RYR3: variants seen among roughly 807,000 people sequenced by gnomAD.
RYR3 encodes the protein brain ryanodine receptor-calcium release channel.
In RYR3, 207 loss-of-function variants were observed where a neutral mutation model predicts 584.3. The observed-to-expected ratio is 0.35, with a 90% CI of 0.32 to 0.40. The LOEUF (loss-of-function observed/expected upper bound fraction) is 0.40, where lower values mean the gene tolerates loss of function less well. RYR3 is among the 10% of genes least tolerant of loss of function. The pLI, the probability that RYR3 is intolerant of heterozygous loss-of-function variation, is 1.00. For synonymous variants in RYR3, 2,416 were observed against 2,248.5 expected, an observed-to-expected ratio of 1.07 and a Z score of -2.11; for missense variants, 5,616 against 6,089.2, an observed-to-expected ratio of 0.92 and a Z score of 2.59.
chr15:33,404,757 C>T (rs1447979756), intron 1 of RYR3, among the ~76,000 whole-genome samples: 3 of 152,084 alleles, frequency 2.0e-5, no homozygotes, highest in Non-Finnish European at 4.4e-5. Context: ...AATGATTTAA[C>T]TTGTTTTTGA....
chr15:33,597,920 C>G (rs1168922319), intron 16 of RYR3, among the ~76,000 whole-genome samples: 1 of 147,704 alleles, frequency 6.8e-6, no homozygotes, highest in Non-Finnish European at 1.5e-5. Flanking sequence ...TTTTTTTTTT[C>G]TGTCTTAGAC....
intron 38 of RYR3, among the ~76,000 whole-genome samples, chr15:33,677,165 A>T (rs1480286400): frequency 6.6e-6 from 1 of 152,006 alleles, no homozygotes; most frequent in Non-Finnish European, 1.5e-5. Context: ...TGCATTCCGT[A>T]TCCCGGACCC....
chr15:33,531,446 CACTT>C (rs1455876529), intron 4 of RYR3, among the ~76,000 whole-genome samples: 1 of 151,998 alleles, frequency 6.6e-6, no homozygotes, highest in Non-Finnish European at 1.5e-5. Context: ...GTATCATCCT[CACTT>C]TCTTTCGGTG....
chr15:33,700,572 C>G (rs1319734007), intron 41 of RYR3, among the ~76,000 whole-genome samples: 2 of 152,058 alleles, frequency 1.3e-5, no homozygotes, highest in Non-Finnish European at 2.9e-5. Context: ...CATTGGTGAC[C>G]TGGTGAAACT....
At chr15:33,354,774 T>C (rs1164502242) in intron 1 of RYR3, among the ~76,000 whole-genome samples, 1 of 152,202 alleles carries the variant, frequency 6.6e-6, no homozygotes, top group Non-Finnish European at 1.5e-5. Flanking sequence ...ATGCTCAATT[T>C]CCTTAGCAAT....
intron 1 of RYR3, among the ~76,000 whole-genome samples, chr15:33,461,531 G>A (rs901844794): frequency 4.5e-4 from 69 of 152,176 alleles, no homozygotes; most frequent in African/African-American, 1.6e-3. Context: ...CTTTCAACAT[G>A]TTTTCCATAT....
chr15:33,780,615 T>A (rs1404167512), intron 65 of RYR3, among the ~76,000 whole-genome samples: 1 of 152,160 alleles, frequency 6.6e-6, no homozygotes, highest in Admixed American at 6.5e-5. Flanking sequence ...GACCTCAGGG[T>A]CTCTTGTCTG....
intron 3 of RYR3, among the ~76,000 whole-genome samples, chr15:33,509,537 G>GTT (rs959306395): frequency 1.3e-5 from 2 of 152,182 alleles, no homozygotes; most frequent in Admixed American, 6.5e-5. Context: ...ATTTTTACAT[G>GTT]TTTTAATATT....
chr15:33,530,485 C>A (rs2054773828), intron 3 of RYR3, 107 bp from the exon 4 acceptor site: 1 of 760,064 alleles, frequency 1.3e-6, no homozygotes, highest in South Asian at 1.6e-5. Context: ...AGGAGCTTTG[C>A]AATGGGTCTT....
In RYR3 at chr15:33,662,743, T is replaced by G. The variant is rs1305698703; in HGVS notation, c.5213T>G (p.Phe1738Cys). The change falls in exon 35 of 104, where the codon TTT becomes TGT. Residue 1738 changes from phenylalanine to cysteine, a missense_variant. Around this residue, in one of 9 missense-constraint regions of RYR3, gnomAD observed 753 missense variants for 741.0 expected, o/e 1.02. Transcript: ENST00000634891. Reference sequence around the variant, plus strand: ...GGAACCCTGCTGGTCATGGGCGTGTTTGATGATGATGATGTTCGGCAGATC... The same window carrying G: ...GGAACCCTGCTGGTCATGGGCGTGTGTGATGATGATGATGTTCGGCAGATC... ...LIGTLLVMGVFDDDDVRQILL... is the reference protein window; with the variant it reads ...LIGTLLVMGVCDDDDVRQILL... 6.2e-7 allele frequency: 1 copy of G among 1,613,900 alleles called. No individual in the cohort carries two copies. Among genetic ancestry groups the G allele is most frequent in the African/African-American group, 1.3e-5 (1 of 74,864 alleles).
chr15:33,740,048 G>A (rs2069922666), intron 51 of RYR3, 53 bp downstream of exon 51: 1 of 1,520,714 alleles, frequency 6.6e-7, no homozygotes, highest in Non-Finnish European at 9.1e-7. Flanking sequence ...AATAGCCAAT[G>A]TTTTCTTCCA....
intron 16 of RYR3, among the ~76,000 whole-genome samples, chr15:33,593,972 G>GT (rs2059256154): frequency 2.0e-5 from 3 of 152,124 alleles, no homozygotes; most frequent in Admixed American, 2.0e-4. Flanking sequence ...TTCCATAGCA[G>GT]GAATCTCAGA....
intron 29 of RYR3, 122 bp from the exon 30 acceptor site, chr15:33,647,302 T>C: frequency 2.7e-6 from 2 of 729,876 alleles, no homozygotes; most frequent in Non-Finnish European, 4.8e-6. Flanking sequence ...ATCACTTGTG[T>C]TTAGGGAGTA....
At chr15:33,428,446 C>A (rs574267659) in intron 1 of RYR3, among the ~76,000 whole-genome samples, 1 of 152,280 alleles carries the variant, frequency 6.6e-6, no homozygotes, top group South Asian at 2.1e-4. Context: ...AATCCTCACC[C>A]AGATATCTCA....
chr15:33,781,102 CTT>C (rs1343740798), intron 65 of RYR3, among the ~76,000 whole-genome samples: 2 of 152,188 alleles, frequency 1.3e-5, no homozygotes, highest in Non-Finnish European at 2.9e-5. Context: ...TTTCCACCCT[CTT>C]TTGTAAAATG....
chr15:33,600,401 A>G (rs1168940301), intron 16 of RYR3, among the ~76,000 whole-genome samples: 3 of 152,112 alleles, frequency 2.0e-5, no homozygotes, highest in African/African-American at 7.2e-5. Context: ...CTGTTTGCGC[A>G]TTCCTCTCTG....
chr15:33,828,348 G>C (rs2077485111), intron 85 of RYR3, among the ~76,000 whole-genome samples: 1 of 152,204 alleles, frequency 6.6e-6, no homozygotes, highest in African/African-American at 2.4e-5. Flanking sequence ...GTGAAAGGAA[G>C]AGTCACACAT....
At chr15:33,373,481 C>T (rs1299652229) in intron 1 of RYR3, among the ~76,000 whole-genome samples, 7 of 152,212 alleles carry the variant, frequency 4.6e-5, no homozygotes, top group African/African-American at 1.7e-4. Context: ...GGGTCTGGCA[C>T]AGTAGGTGAT....
At chr15:33,439,676 A>G (rs2046051823) in intron 1 of RYR3, among the ~76,000 whole-genome samples, 1 of 152,208 alleles carries the variant, frequency 6.6e-6, no homozygotes, top group Non-Finnish European at 1.5e-5. Flanking sequence ...TGGACAAGTT[A>G]TTTAATCCTA....
Sources: gnomAD v4.1 joint callset for allele counts (sites outside exome capture counted in the v4.1 genomes callset) on GRCh38, gnomAD v4.1.1 for gene constraint, gnomAD v4.1.1 regional missense constraint, MANE v1.5 for transcripts, NCBI Gene and HGNC (gene_info 2026-07-23, HGNC 2026-07-21) for gene names.